The following MDH2 variants were observed in gnomAD, a reference collection of about 807,000 sequenced individuals.
MDH2 encodes the protein malate dehydrogenase 2.
Under a neutral mutation model 33.6 loss-of-function variants are expected in MDH2, and 25 were observed. That is an observed-to-expected ratio of 0.74 (90% CI 0.54 to 1.04). The LOEUF (loss-of-function observed/expected upper bound fraction) is 1.04, where lower values mean the gene tolerates loss of function less well. Ranked by LOEUF, MDH2 falls within the 50% of genes least tolerant of loss-of-function variation. The pLI is 0.00. For missense variants in MDH2, 432 were observed against 445.0 expected, an observed-to-expected ratio of 0.97 and a Z score of 0.26; for synonymous variants, 193 against 188.7, an observed-to-expected ratio of 1.02 and a Z score of -0.19.
chr7:76,065,044 A>G lies in MDH2; in HGVS notation c.885+91A>G, dbSNP rs1296312234. 2.0e-6 allele frequency: 3 copies of G among 1,479,738 alleles called. No individual in the cohort carries two copies. The African/African-American group carries it at 4.2e-5, about 21-fold the overall frequency. The allele number at this position is 1,479,738 out of a possible 1,614,324, so 91.7% of individuals were successfully genotyped here. Reference sequence around the variant, plus strand: ...AGGAGCTCTCCCTGGCCCTTTATGCAGTAAGCTCATGTGCCTGCCTGGCGA... The same window carrying G: ...AGGAGCTCTCCCTGGCCCTTTATGCGGTAAGCTCATGTGCCTGCCTGGCGA... On this transcript the variant is annotated intron_variant, in intron 8 of 8. Transcript: ENST00000315758.
At chr7:76,063,282 C>A (rs560423437) in intron 5 of MDH2, among the ~76,000 whole-genome samples, 1 of 152,208 alleles carries the variant, frequency 6.6e-6, no homozygotes, top group African/African-American at 2.4e-5. Context: ...GCGATGGCCT[C>A]GCCAGACGGC....
At chr7:76,054,264 G>C (rs146611115) in intron 1 of MDH2, among the ~76,000 whole-genome samples, 18 of 152,142 alleles carry the variant, frequency 1.2e-4, no homozygotes, top group Non-Finnish European at 2.4e-4. Context: ...GCAGCTCCTT[G>C]TCCTGCCTGA....
At chr7:76,064,686 C>T in intron 7 of MDH2, 116 bp from the exon 8 acceptor site, 1 of 1,228,724 alleles carries the variant, frequency 8.1e-7, no homozygotes, top group South Asian at 1.5e-5. Flanking sequence ...GGGGTGCTGA[C>T]TGAAATTCTC....
At chr7:76,048,987 G>GGT in intron 1 of MDH2, 1 of 37,442 alleles carries the variant, frequency 2.7e-5, no homozygotes, top group Non-Finnish European at 4.3e-5. Context: ...ACTGCGGGGG[G>GGT]GGGGGGGGGG....
Position 76,048,218 on chromosome 7 carries a change from T to G in MDH2, c.58T>G (p.Ser20Ala), listed in dbSNP as rs782450987. ...TGCTCTCCGCCGCAGCTTCAGCACC[T>G]CGGCCCAGGTAGGCCAGACGAGGGG... ...SAALRRSFST[S>A]AQNNAKVAVL... is the part of the protein sequence containing the mutation. The change falls in exon 1 of 9, where the codon TCG becomes GCG. Residue 20 changes from serine to alanine, a missense_variant. Physicochemically the swap from Ser to Ala is moderately conservative, Grantham distance 99. Coordinates refer to ENST00000315758, the MANE Select transcript of MDH2 (RefSeq NM_005918.4). 18 of 1,535,292 alleles carry G rather than the reference T, an allele frequency of 1.2e-5. No individual in the cohort carries two copies. The highest frequency in any genetic ancestry group is 1.9e-4 in the Middle Eastern group (1 of 5,258).
rs560423437 is a variant in MDH2 at position 76,063,282 on chromosome 7, C to T, written c.556-233C>T. ...ATGAAGGAAGGACTTGCGATGGCCTCGCCAGACGGCGGCAAGCCCTCACGG... is the reference window on the plus strand; with the variant it reads ...ATGAAGGAAGGACTTGCGATGGCCTTGCCAGACGGCGGCAAGCCCTCACGG... On this transcript the variant is annotated intron_variant, in intron 5 of 8. Coordinates refer to ENST00000315758, the MANE Select transcript of MDH2 (RefSeq NM_005918.4). Among the ~76,000 whole-genome samples the T allele has an allele frequency of 2.6e-5, 4 of 152,326 alleles. 1 individual carries two copies. The South Asian group carries it at 6.2e-4, about 24-fold the overall frequency.
At position 76,066,570 on chromosome 7, in the gene MDH2, TA is replaced by T. The variant is rs1481873502; in HGVS notation, c.*164del. On this transcript the variant is annotated 3_prime_UTR_variant, in exon 9 of 9. Coordinates refer to ENST00000315758, the MANE Select transcript of MDH2 (RefSeq NM_005918.4). ...GTGGGTGGCTCTGTGGGCGCATCAA[TA>T]AAAGCCGTCCTTGATTTTATTTTTC... 8.3e-6 allele frequency: 7 copies of T among 840,174 alleles called. No individual in the cohort carries two copies. The allele number at this position is 840,174 out of a possible 1,614,324, so 52.0% of individuals were successfully genotyped here. A position where few individuals can be genotyped will look rare whatever the true frequency, so the allele number is the denominator to read the frequency against.
At chr7:76,050,513 G>A (rs1244595677) in intron 1 of MDH2, among the ~76,000 whole-genome samples, 1 of 152,214 alleles carries the variant, frequency 6.6e-6, no homozygotes, top group Non-Finnish European at 1.5e-5. Flanking sequence ...GAGAAAATGA[G>A]GCTAGGGTAG....
chr7:76,058,394 A>G (rs915506586), intron 4 of MDH2, among the ~76,000 whole-genome samples: 14 of 152,108 alleles, frequency 9.2e-5, no homozygotes, highest in African/African-American at 3.4e-4. Context: ...TTCAGCCGTG[A>G]TTGTGGTGGT....
At position 76,063,520 on chromosome 7, in the gene MDH2, G is replaced by C. The variant is rs373660415; in HGVS notation, c.561G>C (p.Leu187Phe). ...ANTFVAELKG[L>F]DPARVNVPVI... ...CTTCATACTTTGGTCACCAGGGTTT[G>C]GATCCAGCTCGAGTCAACGTCCCTG... is the stretch of plus-strand genomic sequence containing the variant. The change falls in exon 6 of 9, where the codon TTG becomes TTC. Residue 187 changes from leucine to phenylalanine, a missense_variant. Coordinates refer to ENST00000315758, the MANE Select transcript of MDH2 (RefSeq NM_005918.4). The C allele has an allele frequency of 6.6e-5, 107 of 1,614,122 alleles. No homozygotes were observed. Among genetic ancestry groups the C allele is most frequent in the Non-Finnish European group, 8.1e-5 (96 of 1,180,040 alleles).
At chr7:76,061,895 T>A (rs1797964372) in intron 5 of MDH2, among the ~76,000 whole-genome samples, 1 of 152,210 alleles carries the variant, frequency 6.6e-6, no homozygotes, top group Non-Finnish European at 1.5e-5. Flanking sequence ...TATGGTTAAA[T>A]AACATTAAAA....
chr7:76,057,423 T>C lies in MDH2; in HGVS notation c.249T>C (p.Pro83=). 5.6e-6 allele frequency: 9 copies of C among 1,614,176 alleles called. No homozygotes were observed. Among genetic ancestry groups the C allele is most frequent in the South Asian group, 3.3e-5 (3 of 91,078 alleles). Residue 83 remains proline (P), a synonymous_variant, in exon 3 of 9, where the codon CCT becomes CCC. Transcript: ENST00000315758. ...TGTTTGTTCTAGGCTACCTCGGACC[T>C]GAACAGCTGCCTGACTGCCTGAAAG... The part of the protein sequence containing the change: ...TKAAVKGYLG[P]EQLPDCLKGC...
chr7:76,062,731 A>G (rs963760910), intron 5 of MDH2, among the ~76,000 whole-genome samples: 1 of 152,210 alleles, frequency 6.6e-6, no homozygotes, highest in Non-Finnish European at 1.5e-5. Flanking sequence ...CCTGGGCAAC[A>G]TGGCAACACC....
At chr7:76,048,288 C>T (rs1563540420) in intron 1 of MDH2, 62 bp downstream of exon 1, 6 of 1,507,360 alleles carry the variant, frequency 4.0e-6, no homozygotes, top group Non-Finnish European at 5.3e-6. Flanking sequence ...CGTGCGTCCC[C>T]GGTTCGCGGG....
intron 5 of MDH2, 45 bp downstream of exon 5, chr7:76,060,543 TC>T (rs1206342566): frequency 1.2e-6 from 2 of 1,606,172 alleles, no homozygotes; most frequent in Non-Finnish European, 1.7e-6. Flanking sequence ...TCTGAACTTC[TC>T]CCGCCACCCG....
chr7:76,050,374 T>C (rs1312395751), intron 1 of MDH2, among the ~76,000 whole-genome samples: 1 of 151,900 alleles, frequency 6.6e-6, no homozygotes, highest in Non-Finnish European at 1.5e-5. Context: ...TCACGCAGAG[T>C]GAGATGTTTG....
At chr7:76,049,102 AG>A in intron 1 of MDH2, 1 of 984,994 alleles carries the variant, frequency 1.0e-6, no homozygotes. Context: ...GTAATTTTAA[AG>A]GGGAATCCAA....
chr7:76,052,762 T>A (rs1554585662), intron 1 of MDH2, among the ~76,000 whole-genome samples: 1 of 152,012 alleles, frequency 6.6e-6, no homozygotes, highest in East Asian at 1.9e-4. Context: ...GCCAAGCTGG[T>A]CTCAAAGTCC....
intron 6 of MDH2, 31 bp downstream of exon 6, chr7:76,063,623 G>C: frequency 6.2e-7 from 1 of 1,601,180 alleles, no homozygotes. Context: ...GAGGGGCTTC[G>C]AGGTCAGGAT....
Sources: gnomAD v4.1 joint callset for allele counts (sites outside exome capture counted in the v4.1 genomes callset) on GRCh38, gnomAD v4.1.1 for gene constraint, MANE v1.5 for transcripts, NCBI Gene and HGNC (gene_info 2026-07-23, HGNC 2026-07-21) for gene names.